The following ITFG2 variants were observed in gnomAD, a reference collection of about 807,000 sequenced individuals.
ITFG2 encodes KICSTOR complex protein ITFG2.
A neutral mutation model predicts 54.4 loss-of-function variants in ITFG2; 36 were observed. The observed-to-expected ratio is 0.66, with a 90% confidence interval of 0.51 to 0.87. The LOEUF (loss-of-function observed/expected upper bound fraction) is 0.87, where lower values mean the gene tolerates loss of function less well. Ranked by LOEUF, ITFG2 falls within the 40% of genes least tolerant of loss-of-function variation. The pLI is 0.00. For synonymous variants in ITFG2, 211 were observed against 225.4 expected, an observed-to-expected ratio of 0.94 and a Z score of 0.57; for missense variants, 524 against 576.7, an observed-to-expected ratio of 0.91 and a Z score of 0.94.
rs978760831 is a variant in ITFG2 at position 2,818,439 on chromosome 12, T to C, written c.406+162T>C. On this transcript the variant is annotated intron_variant, in intron 4 of 11. Coordinates refer to ENST00000228799, the MANE Select transcript of ITFG2 (RefSeq NM_018463.4). ...CCAGGCATCACTCAAGGCACTGGAA[T>C]TGCCATAGTGAATAAATAGACAAAA... is the stretch of plus-strand genomic sequence containing the variant. The C allele has an allele frequency of 1.7e-5, 24 of 1,424,634 alleles. No individual in the cohort carries two copies. The African/African-American group carries it at 3.2e-4, about 19-fold the overall frequency. 88.2% of individuals were successfully genotyped at this position (1,424,634 alleles called of 1,614,324 possible). A position where few individuals can be genotyped will look rare whatever the true frequency, so the allele number is the denominator to read the frequency against.
chr12:2,859,470 C>T (rs556126385), intron 3 of ITFG2: 1 of 1,613,942 alleles, frequency 6.2e-7, no homozygotes, highest in Non-Finnish European at 8.5e-7. Flanking sequence ...CGGGGAGGGC[C>T]ACTCTTCCAA....
At chr12:2,818,030 T>C (rs1245720153) in intron 3 of ITFG2, 76 bp from the exon 4 acceptor site, 73 of 1,608,828 alleles carry the variant, frequency 4.5e-5, no homozygotes, top group Non-Finnish European at 5.1e-6. Context: ...AGCTCTGACC[T>C]CTGTGATCTG....
intron 1 of ITFG2, among the ~76,000 whole-genome samples, chr12:2,839,659 C>T (rs1269131402): frequency 6.6e-6 from 1 of 152,162 alleles, no homozygotes; most frequent in African/African-American, 2.4e-5. Flanking sequence ...GATGAGGTCC[C>T]TGCCTTCATG....
At chr12:2,840,077 C>T (rs1321095072) in intron 1 of ITFG2, among the ~76,000 whole-genome samples, 2 of 151,318 alleles carry the variant, frequency 1.3e-5, no homozygotes, top group South Asian at 4.2e-4. Flanking sequence ...TTCTAACAAA[C>T]CCGCACATGT....
chr12:2,817,394 C>G (rs2097924913), intron 2 of ITFG2, 76 bp downstream of exon 2: 1 of 952,946 alleles, frequency 1.0e-6, no homozygotes, highest in Non-Finnish European at 1.6e-6. Context: ...GTGAGCCCCA[C>G]ACAGGTGCTC....
chr12:2,842,240 G>A (rs2153927254), intron 2 of ITFG2, among the ~76,000 whole-genome samples: 1 of 147,016 alleles, frequency 6.8e-6, no homozygotes, highest in East Asian at 2.1e-4. Flanking sequence ...TCCTGCCTCA[G>A]CCTCCCAAGT....
At chr12:2,836,577 G>A (rs1478662290), upstream of ITFG2, among the ~76,000 whole-genome samples, 1 of 152,228 alleles carries the variant, frequency 6.6e-6, no homozygotes, top group Non-Finnish European at 1.5e-5. Flanking sequence ...TAGAGGGAAA[G>A]AAAGTGTTAT....
chr12:2,820,466 C>T (rs985065539), intron 5 of ITFG2, among the ~76,000 whole-genome samples: 6 of 151,960 alleles, frequency 3.9e-5, no homozygotes, highest in African/African-American at 1.5e-4. Context: ...TGGAGTGGGC[C>T]GCATCAGGAC....
downstream of ITFG2, chr12:2,828,330 AC>A (rs748930856): frequency 6.2e-7 from 1 of 1,613,794 alleles, no homozygotes; most frequent in Non-Finnish European, 8.5e-7. Context: ...CCACATTCTT[AC>A]CCCAGGCGGC....
At position 2,817,208 on chromosome 12, in the gene ITFG2, T is replaced by C. The variant is rs748812218; in HGVS notation, c.97-15T>C. The C allele has an allele frequency of 1.2e-5, 19 of 1,582,936 alleles. No individual in the cohort carries two copies. In the South Asian group the frequency reaches 2.1e-4, roughly 18 times the overall value. ...AGAGTCCCATCCTAACGCTTTCTTC[T>C]CTCTCCATTTGAAGTTAAATGAACT... On this transcript the variant is annotated splice_polypyrimidine_tract_variant and intron_variant, in intron 1 of 11. Coordinates refer to ENST00000228799, the MANE Select transcript of ITFG2 (RefSeq NM_018463.4).
intron 1 of ITFG2, among the ~76,000 whole-genome samples, chr12:2,813,709 C>A (rs1389653354): frequency 6.6e-6 from 1 of 152,162 alleles, no homozygotes; most frequent in African/African-American, 2.4e-5. Flanking sequence ...TCTGCCCTAT[C>A]TTCCTACTCG....
At chr12:2,854,330 A>G (rs767951412) in intron 2 of ITFG2, among the ~76,000 whole-genome samples, 5 of 152,204 alleles carry the variant, frequency 3.3e-5, no homozygotes, top group Non-Finnish European at 5.9e-5. Flanking sequence ...CTGCCATAAC[A>G]TCTAACTTTT....
At chr12:2,826,277 A>G (rs993681947), downstream of ITFG2, 1 of 152,062 alleles carries the variant, frequency 6.6e-6, no homozygotes, top group Non-Finnish European at 1.5e-5. Flanking sequence ...CACTGATTCC[A>G]GGACAATACA....
chr12:2,830,769 C>A, intron 2 of ITFG2: 1 of 1,613,972 alleles, frequency 6.2e-7, no homozygotes, highest in South Asian at 1.1e-5. Context: ...GCTCTCCTGG[C>A]CATGAATCAG....
intron 2 of ITFG2, chr12:2,857,270 CAGA>C (rs1465893545): frequency 3.3e-5 from 18 of 549,230 alleles, no homozygotes; most frequent in South Asian, 2.5e-4. Flanking sequence ...TGCTGCCGGG[CAGA>C]AGAAAAGCAG....
chr12:2,826,818 G>A (rs1226385643), downstream of ITFG2: 1 of 273,588 alleles, frequency 3.7e-6, no homozygotes, highest in Non-Finnish European at 6.6e-6. Flanking sequence ...ATGGTGGTGT[G>A]GGAAGTTGAG....
chr12:2,836,334 C>T (rs994479728), upstream of ITFG2, among the ~76,000 whole-genome samples: 2 of 152,182 alleles, frequency 1.3e-5, no homozygotes, highest in Admixed American at 1.3e-4. Context: ...TTCCTCTTCA[C>T]CATCAGGGAA....
chr12:2,852,355 C>T (rs1482787520), intron 2 of ITFG2, among the ~76,000 whole-genome samples: 1 of 151,976 alleles, frequency 6.6e-6, no homozygotes, highest in Non-Finnish European at 1.5e-5. Context: ...CCTTAACCAC[C>T]TGCTGTGGGA....
Position 2,846,089 on chromosome 12 carries a change from G to A in ITFG2, n.300+5094G>A, listed in dbSNP as rs147249734. Among the ~76,000 whole-genome samples, 372 of 152,294 alleles carry A rather than the reference G, an allele frequency of 2.4e-3. 4 individuals are homozygous for A. Among genetic ancestry groups the A allele is most frequent in the African/African-American group, 8.5e-3 (355 of 41,572 alleles). ...CCGCAGACCCCCATGGCCTGCTGGA[G>A]CTAGGGGGCGCCAGAAGCCTTACTT... On this transcript the variant is annotated intron_variant and non_coding_transcript_variant, in intron 2 of 3. Coordinates refer to the ITFG2 transcript ENST00000537710.
Sources: gnomAD v4.1 joint callset for allele counts (sites outside exome capture counted in the v4.1 genomes callset) on GRCh38, gnomAD v4.1.1 for gene constraint, MANE v1.5 for transcripts, NCBI Gene and HGNC (gene_info 2026-07-23, HGNC 2026-07-21) for gene names.